Variants in ADCY2 observed in about 807,000 individuals in gnomAD.
The protein encoded by ADCY2 is adenylate cyclase type 2.
A neutral mutation model predicts 125.2 loss-of-function variants in ADCY2; 31 were observed. The ratio of observed to expected loss-of-function variants is 0.25; its 90% CI spans 0.19 to 0.33. ADCY2 has a LOEUF of 0.33. Ranked by LOEUF, ADCY2 falls within the 10% of genes least tolerant of loss-of-function variation. The pLI, the probability that ADCY2 is intolerant of heterozygous loss-of-function variation, is 1.00. For synonymous variants in ADCY2, 512 were observed against 548.4 expected, an observed-to-expected ratio of 0.93 and a Z score of 0.93; for missense variants, 904 against 1,418.2, an observed-to-expected ratio of 0.64 and a Z score of 5.82.
chr5:7,538,087 G>T lies in ADCY2; in HGVS notation c.570+17188G>T, dbSNP rs962364146. ...TTTCCTGACTCCATCTACCCTGGGA[G>T]CTCCGTGAGGGAAGGAACTTTGTCT... is the stretch of plus-strand genomic sequence containing the variant. On this transcript the variant is annotated intron_variant, in intron 3 of 24. Coordinates refer to ENST00000338316, the MANE Select transcript of ADCY2 (RefSeq NM_020546.3). Among the ~76,000 whole-genome samples the T allele has an allele frequency of 7.2e-5, 11 of 152,318 alleles. No individual in the cohort carries two copies. In the East Asian group the frequency reaches 2.1e-3, roughly 29 times the overall value.
At chr5:7,806,595 A>G (rs1744769058) in intron 22 of ADCY2, among the ~76,000 whole-genome samples, 1 of 152,114 alleles carries the variant, frequency 6.6e-6, no homozygotes, top group Admixed American at 6.5e-5. Context: ...TAGGCCTCCC[A>G]TGGAGGGGAG....
At chr5:7,617,928 C>T (rs1468841547) in intron 3 of ADCY2, among the ~76,000 whole-genome samples, 2 of 152,142 alleles carry the variant, frequency 1.3e-5, no homozygotes, top group African/African-American at 2.4e-5. Flanking sequence ...TTTTTGTTCT[C>T]CCCTTCCCAA....
chr5:7,470,205 A>G (rs995837571), intron 2 of ADCY2, among the ~76,000 whole-genome samples: 96 of 151,828 alleles, frequency 6.3e-4, no homozygotes, highest in African/African-American at 2.2e-3. Flanking sequence ...CACAACTGCT[A>G]GTGGTGTTAC....
chr5:7,597,143 TA>T (rs1055169521), intron 3 of ADCY2, among the ~76,000 whole-genome samples: 10 of 152,226 alleles, frequency 6.6e-5, no homozygotes, highest in Admixed American at 2.0e-4. Context: ...GAAACAATAT[TA>T]GGCTTTTACT....
At chr5:7,520,953 T>C in intron 3 of ADCY2, 54 bp downstream of exon 3, 3 of 1,602,558 alleles carry the variant, frequency 1.9e-6, no homozygotes, top group Non-Finnish European at 2.6e-6. Flanking sequence ...CACCAGGGGG[T>C]GAGGCAGGTG....
At chr5:7,545,805 T>C (rs757029186) in intron 3 of ADCY2, among the ~76,000 whole-genome samples, 1 of 152,148 alleles carries the variant, frequency 6.6e-6, no homozygotes, top group Admixed American at 6.5e-5. Context: ...ACAATTGCAC[T>C]TCCCAGGTAA....
At chr5:7,601,889 T>C (rs1301351161) in intron 3 of ADCY2, among the ~76,000 whole-genome samples, 1 of 152,172 alleles carries the variant, frequency 6.6e-6, no homozygotes, top group Non-Finnish European at 1.5e-5. Context: ...TGACATTTGC[T>C]CTGTCATAGT....
In ADCY2 at chr5:7,766,824, A is replaced by G; in HGVS notation, c.2214+18A>G. On this transcript the variant is annotated intron_variant, in intron 17 of 24. Coordinates refer to ENST00000338316, the MANE Select transcript of ADCY2 (RefSeq NM_020546.3). ...TCCTCCCGGTAAGAACATTGCAATT[A>G]TGACTGCTTTGGTGGCTCTCCTGTA... 6.2e-7 allele frequency: 1 copy of G among 1,605,534 alleles called. No individual in the cohort carries two copies. Among genetic ancestry groups the G allele is most frequent in the Non-Finnish European group, 8.5e-7 (1 of 1,177,634 alleles).
At chr5:7,548,033 T>C (rs1342344440) in intron 3 of ADCY2, among the ~76,000 whole-genome samples, 2 of 152,228 alleles carry the variant, frequency 1.3e-5, no homozygotes, top group African/African-American at 4.8e-5. Context: ...CTGGGATCCA[T>C]GCAAGTTAAG....
intron 2 of ADCY2, among the ~76,000 whole-genome samples, chr5:7,476,922 C>A (rs2126465800): frequency 6.6e-6 from 1 of 152,206 alleles, no homozygotes; most frequent in Middle Eastern, 3.4e-3. Flanking sequence ...CAGGAGTAGC[C>A]AAACTTTGGA....
chr5:7,582,304 G>T (rs567585555), intron 3 of ADCY2, among the ~76,000 whole-genome samples: 1 of 152,146 alleles, frequency 6.6e-6, no homozygotes, highest in East Asian at 1.9e-4. Context: ...AAATGAAAAA[G>T]AGTAAGAGAC....
rs75637455 is a variant in ADCY2, at chr5:7,670,988, G to T, written c.721-19703G>T. 5.6e-3 allele frequency among the ~76,000 whole-genome samples: 859 copies of T among 152,186 alleles called. 5 individuals are homozygous for T. Among genetic ancestry groups the T allele is most frequent in the Non-Finnish European group, 9.9e-3 (672 of 68,010 alleles). On this transcript the variant is annotated intron_variant, in intron 4 of 24. Coordinates refer to ENST00000338316, the MANE Select transcript of ADCY2 (RefSeq NM_020546.3). ...CATGTGATAACTTTTCTAAGATTCC[G>T]TCTCTGGGTAGTGCTTTATTTCTTC...
intron 2 of ADCY2, among the ~76,000 whole-genome samples, chr5:7,520,227 C>G (rs913792834): frequency 6.6e-6 from 1 of 152,194 alleles, no homozygotes. Flanking sequence ...AGTTCCCTGG[C>G]AGCTGAGCCA....
At chr5:7,554,052 G>A (rs1266244605) in intron 3 of ADCY2, among the ~76,000 whole-genome samples, 1 of 152,110 alleles carries the variant, frequency 6.6e-6, no homozygotes. Context: ...AGCCATTCAA[G>A]CATCTTGTGT....
intron 4 of ADCY2, among the ~76,000 whole-genome samples, chr5:7,638,738 C>G (rs1467690099): frequency 6.6e-6 from 1 of 152,162 alleles, no homozygotes; most frequent in African/African-American, 2.4e-5. Context: ...CGTCATCTTC[C>G]TAGCTGGCCT....
At chr5:7,594,827 A>C (rs1039264985) in intron 3 of ADCY2, among the ~76,000 whole-genome samples, 1 of 152,234 alleles carries the variant, frequency 6.6e-6, no homozygotes, top group Non-Finnish European at 1.5e-5. Flanking sequence ...TCTTATGTAA[A>C]GAGCTGGCCC....
intron 2 of ADCY2, among the ~76,000 whole-genome samples, chr5:7,486,489 A>T (rs1742932621): frequency 6.6e-6 from 1 of 152,204 alleles, no homozygotes; most frequent in Non-Finnish European, 1.5e-5. Context: ...AGAGTTTCAG[A>T]CAGTGTTTAG....
chr5:7,573,175 G>T (rs1027150793), intron 3 of ADCY2, among the ~76,000 whole-genome samples: 7 of 152,132 alleles, frequency 4.6e-5, no homozygotes, highest in Non-Finnish European at 1.0e-4. Context: ...ATAAATTTTT[G>T]TGATTTATTC....
chr5:7,756,524 A>G (rs1467281432), intron 15 of ADCY2, among the ~76,000 whole-genome samples: 1 of 152,208 alleles, frequency 6.6e-6, no homozygotes, highest in Non-Finnish European at 1.5e-5. Flanking sequence ...TCTTGGCATA[A>G]TGCTACAACA....
Sources: gnomAD v4.1 joint callset for allele counts (sites outside exome capture counted in the v4.1 genomes callset) on GRCh38, gnomAD v4.1.1 for gene constraint, MANE v1.5 for transcripts, NCBI Gene and HGNC (gene_info 2026-07-23, HGNC 2026-07-21) for gene names.